Variants in ASXL3 observed in about 807,000 individuals in gnomAD.
The protein encoded by ASXL3 is putative Polycomb group protein ASXL3.
ASXL3 carries 34 observed loss-of-function variants against 170.6 expected under a neutral mutation model. The observed-to-expected ratio is 0.20, with a 90% CI of 0.15 to 0.27. The LOEUF (loss-of-function observed/expected upper bound fraction) is 0.27, where lower values mean the gene tolerates loss of function less well. ASXL3 is among the 10% of genes least tolerant of loss of function. The pLI, the probability that ASXL3 is intolerant of heterozygous loss-of-function variation, is 1.00. For synonymous variants in ASXL3, 1,002 were observed against 989.1 expected (o/e 1.01, Z -0.24); for missense variants, 2,592 against 2,695.3 (o/e 0.96, Z 0.85).
At chr18:33,699,985 ATTTG>A (rs1332170131) in intron 8 of ASXL3, among the ~76,000 whole-genome samples, 1 of 152,000 alleles carries the variant, frequency 6.6e-6, no homozygotes, top group Non-Finnish European at 1.5e-5. Context: ...CATTTCATTT[ATTTG>A]TTCAGGAGAA....
chr18:33,581,536 A>C (rs2064992524), intron 1 of ASXL3, among the ~76,000 whole-genome samples: 1 of 151,446 alleles, frequency 6.6e-6, no homozygotes, highest in African/African-American at 2.4e-5. Context: ...GGGGAGAGGA[A>C]ATGCAAAATA....
intron 4 of ASXL3, among the ~76,000 whole-genome samples, chr18:33,653,093 C>T (rs1366577249): frequency 1.3e-5 from 2 of 151,996 alleles, no homozygotes; most frequent in Non-Finnish European, 2.9e-5. Context: ...TGCCCACCTA[C>T]CCAGTGTCAG....
At chr18:33,608,646 T>C (rs937606978) in intron 2 of ASXL3, among the ~76,000 whole-genome samples, 9 of 152,014 alleles carry the variant, frequency 5.9e-5, no homozygotes, top group Non-Finnish European at 2.9e-5. Context: ...CCATGTTACA[T>C]AGAATAGATT....
chr18:33,583,070 A>C (rs1037707046), intron 1 of ASXL3, among the ~76,000 whole-genome samples: 24 of 152,158 alleles, frequency 1.6e-4, no homozygotes, highest in Non-Finnish European at 3.4e-4. Flanking sequence ...AGCTGTTAAA[A>C]TTTTTAAAAA....
chr18:33,746,226 G>A lies in ASXL3; in HGVS notation c.6378G>A (p.Leu2126=). 6.2e-7 allele frequency: 1 copy of A among 1,613,886 alleles called. No homozygotes were observed. The highest frequency in any genetic ancestry group is 1.3e-5 in the African/African-American group (1 of 75,000). ...AAAGTGCAGATTTCTCTTCCTATTTGCTTTCTGAGCCACAAAAGCCTTTTA... is the reference window on the plus strand; with the variant it reads ...AAAGTGCAGATTTCTCTTCCTATTTACTTTCTGAGCCACAAAAGCCTTTTA... ...ALKSADFSSY[L]LSEPQKPFTQ... The change falls in exon 12 of 12, where the codon TTG becomes TTA. Residue 2126 remains leucine (L), a synonymous_variant. Coordinates refer to ENST00000269197, the MANE Select transcript of ASXL3 (RefSeq NM_030632.3).
chr18:33,730,797 T>G (rs10775455), intron 8 of ASXL3, among the ~76,000 whole-genome samples: 69,431 of 152,124 alleles, frequency 0.46, 16,717 homozygotes, highest in East Asian at 0.85. Flanking sequence ...TATGAGTGGC[T>G]TAACAAGTAT....
In ASXL3 at chr18:33,743,923, T is replaced by G. The variant is rs2067715171; in HGVS notation, c.4075T>G (p.Leu1359Val). ...GCCAAACCTCTCCACTAGCTCTGTC[T>G]TGATTCCCCCAATGGGAATTAACAA... ...NLPNLSTSSV[L>V]IPPMGINNRF... Residue 1359 changes from leucine (L) to valine (V), a missense_variant, in exon 12 of 12, where the codon TTG becomes GTG. Physicochemically the swap from Leu to Val is conservative, Grantham distance 32. Transcript: ENST00000269197. 1 of 1,613,906 alleles carries G rather than the reference T, an allele frequency of 6.2e-7. No individual in the cohort carries two copies. The highest frequency in any genetic ancestry group is 1.3e-5 in the African/African-American group (1 of 74,922).
At position 33,656,907 on chromosome 18, in the gene ASXL3, G is replaced by A. The variant is rs530265956; in HGVS notation, c.356-4709G>A. 7.9e-5 allele frequency among the ~76,000 whole-genome samples: 12 copies of A among 152,188 alleles called. No homozygotes were observed. The East Asian group carries it at 2.1e-3, about 27-fold the overall frequency. On this transcript the variant is annotated intron_variant, in intron 4 of 11. Coordinates refer to ENST00000269197, the MANE Select transcript of ASXL3 (RefSeq NM_030632.3). ...TTCTTATTAAAAATCATAGTTGAAA[G>A]TTAACTTCAAAAATACTTTAAACAA... is the stretch of plus-strand genomic sequence containing the variant.
chr18:33,662,207 G>T (rs955549196), intron 5 of ASXL3, among the ~76,000 whole-genome samples: 2 of 152,060 alleles, frequency 1.3e-5, no homozygotes, highest in Non-Finnish European at 2.9e-5. Flanking sequence ...GTGTTGTTTG[G>T]TGCTGAATGG....
intron 4 of ASXL3, among the ~76,000 whole-genome samples, chr18:33,652,075 GTGAATTACT>G (rs1356339138): frequency 6.6e-6 from 1 of 151,990 alleles, no homozygotes; most frequent in Non-Finnish European, 1.5e-5. Context: ...AATGATTTAG[GTGAATTACT>G]TGATATATCC....
intron 4 of ASXL3, among the ~76,000 whole-genome samples, chr18:33,652,856 G>C (rs773637748): frequency 1.3e-5 from 2 of 151,990 alleles, no homozygotes; most frequent in Non-Finnish European, 2.9e-5. Context: ...TGAAAAGTGT[G>C]TTAAGGAGGC....
At chr18:33,668,026 C>T (rs1283464747) in intron 5 of ASXL3, among the ~76,000 whole-genome samples, 1 of 152,206 alleles carries the variant, frequency 6.6e-6, no homozygotes, top group East Asian at 1.9e-4. Flanking sequence ...ATCTTGCCTG[C>T]ACTACTACCT....
intron 1 of ASXL3, among the ~76,000 whole-genome samples, chr18:33,585,139 A>G (rs1169032827): frequency 6.6e-6 from 1 of 151,436 alleles, no homozygotes; most frequent in African/African-American, 2.4e-5. Context: ...TCCTTCTGAC[A>G]TTCTGCTTGA....
chr18:33,747,857 T>A lies in ASXL3; in HGVS notation c.*1262T>A, dbSNP rs565617653. ...AAGGGATACTGCATCTTAACAGTTA[T>A]CTTCAGTGTGCATCCAGTAAAGTCT... On this transcript the variant is annotated 3_prime_UTR_variant, in exon 12 of 12. Transcript: ENST00000269197. The A allele has an allele frequency of 1.2e-4, 19 of 152,248 alleles. No individual in the cohort carries two copies. Among genetic ancestry groups the A allele is most frequent in the Non-Finnish European group, 2.5e-4 (17 of 68,050 alleles). 9.4% of individuals were successfully genotyped at this position (152,248 alleles called of 1,614,324 possible).
chr18:33,615,630 A>C (rs2065410740), intron 2 of ASXL3, among the ~76,000 whole-genome samples: 1 of 152,176 alleles, frequency 6.6e-6, no homozygotes, highest in African/African-American at 2.4e-5. Context: ...AAAGTGAAAC[A>C]CACAAAACAT....
At chr18:33,707,441 A>G (rs1415338853) in intron 8 of ASXL3, among the ~76,000 whole-genome samples, 2 of 151,778 alleles carry the variant, frequency 1.3e-5, no homozygotes, top group Non-Finnish European at 2.9e-5. Context: ...CATTTGATCA[A>G]TTTGTTCCTG....
intron 4 of ASXL3, among the ~76,000 whole-genome samples, chr18:33,657,144 C>T (rs1270836551): frequency 6.6e-6 from 1 of 152,074 alleles, no homozygotes; most frequent in Non-Finnish European, 1.5e-5. Flanking sequence ...GCAAGTCTAC[C>T]TCAGAAGCTG....
chr18:33,696,346 A>G (rs2066773153), intron 8 of ASXL3, among the ~76,000 whole-genome samples: 1 of 152,182 alleles, frequency 6.6e-6, no homozygotes, highest in Non-Finnish European at 1.5e-5. Flanking sequence ...CTTCTGGATT[A>G]AAGTGTTAGT....
chr18:33,583,227 C>G (rs1032711340), intron 1 of ASXL3, among the ~76,000 whole-genome samples: 10 of 152,040 alleles, frequency 6.6e-5, no homozygotes, highest in Admixed American at 1.3e-4. Flanking sequence ...GTTAATGGTA[C>G]TTTGATTTCA....
Sources: allele counts gnomAD v4.1 joint callset (sites outside exome capture counted in the v4.1 genomes callset), GRCh38; gene constraint gnomAD v4.1.1; transcripts MANE v1.5; gene names NCBI Gene and HGNC (gene_info 2026-07-23, HGNC 2026-07-21).